The following SLC30A8 variants were observed in gnomAD, a reference collection of about 807,000 sequenced individuals.
The protein encoded by SLC30A8 is solute carrier family 30 member 8, also known as proton-coupled zinc antiporter SLC30A8.
A neutral mutation model predicts 36.9 loss-of-function variants in SLC30A8; 27 were observed. The observed-to-expected ratio is 0.73, with a 90% CI of 0.54 to 1.01. SLC30A8 has a LOEUF of 1.01. Among genes scored for constraint, SLC30A8 ranks in the 50% least tolerant of loss-of-function variants. SLC30A8 has a pLI of 0.00. For synonymous variants in SLC30A8, 164 were observed against 172.4 expected, an observed-to-expected ratio of 0.95 and a Z score of 0.38; for missense variants, 439 against 452.0, an observed-to-expected ratio of 0.97 and a Z score of 0.26.
chr8:116,975,448 T>C (rs904683719), intron 1 of SLC30A8, among the ~76,000 whole-genome samples: 6 of 152,216 alleles, frequency 3.9e-5, no homozygotes, highest in Non-Finnish European at 5.9e-5. Context: ...CTTTAAAATA[T>C]GTGGTCTGTC....
intron 2 of SLC30A8, among the ~76,000 whole-genome samples, chr8:117,039,935 C>A (rs934309182): frequency 6.6e-6 from 1 of 152,308 alleles, no homozygotes; most frequent in East Asian, 1.9e-4. Context: ...TCTCCTCCCC[C>A]CGAGCTTTCC....
In SLC30A8 at chr8:117,172,725, A is replaced by C; in HGVS notation, c.*44A>C. 6.2e-7 allele frequency: 1 copy of C among 1,609,110 alleles called. No homozygotes were observed. Among genetic ancestry groups the C allele is most frequent in the Non-Finnish European group, 8.5e-7 (1 of 1,175,950 alleles). ...TTCCCAAATTTGACAGGCCACCTTC[A>C]AACATGCTGCTATGCAGTTTCTGCA... On this transcript the variant is annotated 3_prime_UTR_variant, in exon 8 of 8. Coordinates refer to ENST00000456015, the MANE Select transcript of SLC30A8 (RefSeq NM_173851.3).
At chr8:117,020,462 C>T (rs1482196675) in intron 1 of SLC30A8, among the ~76,000 whole-genome samples, 2 of 152,144 alleles carry the variant, frequency 1.3e-5, no homozygotes, top group Non-Finnish European at 2.9e-5. Flanking sequence ...GGAAAGTAAT[C>T]TGGTACTAAT....
At chr8:117,106,236 A>G (rs1819989829) in intron 2 of SLC30A8, among the ~76,000 whole-genome samples, 1 of 152,200 alleles carries the variant, frequency 6.6e-6, no homozygotes, top group Non-Finnish European at 1.5e-5. Context: ...GAGTATACTT[A>G]GTATTACTGT....
At chr8:117,000,434 G>T (rs1232043364) in intron 1 of SLC30A8, among the ~76,000 whole-genome samples, 2 of 152,142 alleles carry the variant, frequency 1.3e-5, no homozygotes, top group African/African-American at 4.8e-5. Context: ...AGCTAATCCA[G>T]ACACTATTTT....
At chr8:117,137,750 C>T (rs1821427607) in intron 1 of SLC30A8, among the ~76,000 whole-genome samples, 1 of 151,876 alleles carries the variant, frequency 6.6e-6, no homozygotes, top group Non-Finnish European at 1.5e-5. Context: ...AGCAAGAGAG[C>T]AATAGTGGAA....
At chr8:117,152,452 G>A (rs867388274) in intron 2 of SLC30A8, among the ~76,000 whole-genome samples, 17 of 152,098 alleles carry the variant, frequency 1.1e-4, no homozygotes, top group Non-Finnish European at 2.4e-4. Context: ...TCAAGCTCAG[G>A]TGGATAATAT....
chr8:116,956,728 G>T (rs1586323915), intron 1 of SLC30A8, among the ~76,000 whole-genome samples: 2 of 152,160 alleles, frequency 1.3e-5, no homozygotes, highest in African/African-American at 2.4e-5. Flanking sequence ...CAACTTAAAT[G>T]AAGTTGAGTT....
intron 2 of SLC30A8, among the ~76,000 whole-genome samples, chr8:117,062,620 A>T (rs1458432708): frequency 6.6e-6 from 1 of 152,242 alleles, no homozygotes; most frequent in Non-Finnish European, 1.5e-5. Flanking sequence ...TAGGAGACAC[A>T]TATCCAAACC....
At chr8:117,149,507 T>TAAAC (rs1822065719) in intron 2 of SLC30A8, among the ~76,000 whole-genome samples, 1 of 152,190 alleles carries the variant, frequency 6.6e-6, no homozygotes, top group Non-Finnish European at 1.5e-5. Context: ...CTTTGAATAT[T>TAAAC]AAACACTGAA....
rs1246878214 is a variant in SLC30A8 at position 117,172,751 on chromosome 8, T to C, written c.*70T>C. On this transcript the variant is annotated 3_prime_UTR_variant, in exon 8 of 8. Transcript: ENST00000456015. ...AACATGCTGCTATGCAGTTTCTGCA[T>C]CATAGAAAATAAGGAACCAAAGGAA... 1 of 1,551,296 alleles carries C rather than the reference T, an allele frequency of 6.4e-7. No homozygotes were observed. The highest frequency in any genetic ancestry group is 8.8e-7 in the Non-Finnish European group (1 of 1,134,440).
At chr8:116,968,785 G>A (rs1486881463) in intron 1 of SLC30A8, among the ~76,000 whole-genome samples, 2 of 151,844 alleles carry the variant, frequency 1.3e-5, no homozygotes, top group Admixed American at 6.6e-5. Flanking sequence ...TCACCAGGCT[G>A]GAGTGCAATG....
At chr8:117,094,008 A>G (rs970353030) in intron 2 of SLC30A8, among the ~76,000 whole-genome samples, 1 of 152,216 alleles carries the variant, frequency 6.6e-6, no homozygotes, top group Admixed American at 6.5e-5. Context: ...GCATCCTGCA[A>G]GCAGCTTCCA....
In SLC30A8 at chr8:117,077,365, GT is replaced by G. The variant is rs1818522924; in HGVS notation, c.-226+38109del. On this transcript the variant is annotated intron_variant, in intron 2 of 10. Transcript: ENST00000427715. Reference sequence around the variant, plus strand: ...AAAAAGAAGAAAAAAATATCTTATGGTTGCTTGTATAGGCATCTCTGTGCTT... The same window carrying G: ...AAAAAGAAGAAAAAAATATCTTATGGTGCTTGTATAGGCATCTCTGTGCTT... Among the ~76,000 whole-genome samples the G allele has an allele frequency of 2.6e-5, 4 of 152,216 alleles. No individual in the cohort carries two copies. In the South Asian group the frequency reaches 8.3e-4, roughly 32 times the overall value.
At chr8:117,062,605 A>T (rs535567998) in intron 2 of SLC30A8, among the ~76,000 whole-genome samples, 1 of 152,318 alleles carries the variant, frequency 6.6e-6, no homozygotes, top group South Asian at 2.1e-4. Context: ...TCAACATGAG[A>T]TTTGTAGGAG....
At chr8:117,096,093 A>G (rs1001903991) in intron 2 of SLC30A8, among the ~76,000 whole-genome samples, 4 of 152,190 alleles carry the variant, frequency 2.6e-5, no homozygotes, top group Non-Finnish European at 1.5e-5. Flanking sequence ...AGTTCTGGCC[A>G]GGAATTCTAG....
intron 1 of SLC30A8, among the ~76,000 whole-genome samples, chr8:116,974,047 A>G (rs1184852403): frequency 6.6e-6 from 1 of 152,226 alleles, no homozygotes; most frequent in Non-Finnish European, 1.5e-5. Context: ...TTCAAGATGG[A>G]TGAAAGACTT....
Position 117,138,075 on chromosome 8 carries a change from A to G in SLC30A8, c.71+2677A>G, listed in dbSNP as rs535893442. On this transcript the variant is annotated intron_variant, in intron 1 of 7. Coordinates refer to ENST00000456015, the MANE Select transcript of SLC30A8 (RefSeq NM_173851.3). ...TTCATTGTAGCAAAAAAAAAAAAAA[A>G]AAAAAGAAAAAGAAAAAAAAAAGTC... Among the ~76,000 whole-genome samples the G allele has an allele frequency of 3.7e-3, 546 of 148,164 alleles. 3 individuals carry two copies. Among genetic ancestry groups the G allele is most frequent in the Middle Eastern group, 0.01 (3 of 286 alleles).
chr8:117,141,013 A>G (rs931187284), intron 1 of SLC30A8, among the ~76,000 whole-genome samples: 1 of 152,140 alleles, frequency 6.6e-6, no homozygotes, highest in Non-Finnish European at 1.5e-5. Context: ...AAGTAAAGAT[A>G]TTGAATTATT....
Sources: gnomAD v4.1 joint callset for allele counts (sites outside exome capture counted in the v4.1 genomes callset) on GRCh38, gnomAD v4.1.1 for gene constraint, MANE v1.5 for transcripts, NCBI Gene and HGNC (gene_info 2026-07-23, HGNC 2026-07-21) for gene names.